The following ADHFE1 variants were observed in gnomAD, a reference collection of about 807,000 sequenced individuals.
ADHFE1 encodes the protein hydroxyacid-oxoacid transhydrogenase, mitochondrial.
Under a neutral mutation model 54.8 loss-of-function variants are expected in ADHFE1, and 37 were observed. That is an observed-to-expected ratio of 0.68 (90% CI 0.52 to 0.89). ADHFE1 has a LOEUF of 0.89. ADHFE1 is among the 40% of genes least tolerant of loss of function. The pLI is 0.00. For missense variants in ADHFE1, 601 were observed against 591.2 expected (o/e 1.02, Z -0.17); for synonymous variants, 203 against 229.3 (o/e 0.89, Z 1.04).
intron 2 of ADHFE1, 81 bp downstream of exon 2, chr8:66,440,280 A>G: frequency 7.4e-7 from 1 of 1,343,246 alleles, no homozygotes; most frequent in South Asian, 1.3e-5. Flanking sequence ...AGTGTATGTA[A>G]AGAAAACCAA....
In ADHFE1 at chr8:66,445,331, C is replaced by G. The variant is rs1586452837; in HGVS notation, c.467C>G (p.Pro156Arg). The stretch of plus-strand genomic sequence containing the variant: ...GCTGCTAATCTGTATGCATCCAGCC[C>G]TCATTCTGATTTCCTAGATTATGTC... The part of the protein sequence containing the change: ...CKAANLYASS[P>R]HSDFLDYVSA... The change falls in exon 6 of 14, where the codon CCT (proline) becomes CGT (arginine). Residue 156 changes from proline (P) to arginine (R), a missense_variant. By Grantham distance (103) the Pro-to-Arg change is moderately radical (BLOSUM62 -2). Coordinates refer to ENST00000396623, the MANE Select transcript of ADHFE1 (RefSeq NM_144650.3). The G allele has an allele frequency of 6.2e-7, 1 of 1,614,042 alleles. No homozygotes were observed. Among genetic ancestry groups the G allele is most frequent in the Non-Finnish European group, 8.5e-7 (1 of 1,180,004 alleles).
intron 1 of ADHFE1, among the ~76,000 whole-genome samples, chr8:66,435,556 T>C (rs1228803789): frequency 1.3e-5 from 2 of 151,796 alleles, no homozygotes; most frequent in Non-Finnish European, 2.9e-5. Context: ...AGTGATTGCA[T>C]TTAGGGCCCA....
At chr8:66,452,255 C>A in intron 9 of ADHFE1, 150 bp downstream of exon 9, 2 of 1,132,580 alleles carry the variant, frequency 1.8e-6, no homozygotes, top group Non-Finnish European at 2.4e-6. Context: ...ACACCAGCAG[C>A]CTCTGGAGGG....
Position 66,435,927 on chromosome 8 carries a change from T to C in ADHFE1, c.59+3352T>C, listed in dbSNP as rs183129581. Among the ~76,000 whole-genome samples, 673 of 148,998 alleles carry C rather than the reference T, an allele frequency of 4.5e-3. 7 individuals carry two copies. Among genetic ancestry groups the C allele is most frequent in the African/African-American group, 0.016 (645 of 40,286 alleles). On this transcript the variant is annotated intron_variant, in intron 1 of 13. Transcript: ENST00000396623. ...CCTAGCAAGATTCTTTTTTTTTTTT[T>C]TTTTTTGAGATGGAGTCTCGCTCTG...
chr8:66,466,738 A>G (rs974863270), intron 13 of ADHFE1, among the ~76,000 whole-genome samples: 1 of 152,248 alleles, frequency 6.6e-6, no homozygotes. Flanking sequence ...AAGGAGATAG[A>G]GAGTGATCTC....
intron 1 of ADHFE1, chr8:66,433,018 A>G: frequency 1.8e-6 from 1 of 566,076 alleles, no homozygotes. Context: ...TGAGGGGACG[A>G]GGCTAAAACC....
At chr8:66,450,423 G>A (rs1806240572) in intron 8 of ADHFE1, among the ~76,000 whole-genome samples, 1 of 152,202 alleles carries the variant, frequency 6.6e-6, no homozygotes, top group African/African-American at 2.4e-5. Context: ...CACCTGGCCT[G>A]AGGAATCTGC....
chr8:66,433,064 A>G (rs1394294459), intron 1 of ADHFE1, among the ~76,000 whole-genome samples: 2 of 152,170 alleles, frequency 1.3e-5, no homozygotes, highest in South Asian at 2.1e-4. Flanking sequence ...GGAAGGATGG[A>G]TGTGAGAAGT....
intron 9 of ADHFE1, 126 bp downstream of exon 9, chr8:66,452,231 C>A: frequency 7.7e-7 from 1 of 1,298,964 alleles, no homozygotes; most frequent in Non-Finnish European, 1.0e-6. Flanking sequence ...TCAGTGGATG[C>A]GCAGAAGCCC....
chr8:66,460,675 G>A (rs1806854016), intron 13 of ADHFE1, among the ~76,000 whole-genome samples: 1 of 152,218 alleles, frequency 6.6e-6, no homozygotes, highest in Admixed American at 6.5e-5. Context: ...TGTAGCTGAG[G>A]TGAGGCTTTT....
rs1485001455 is a variant in ADHFE1, at chr8:66,447,265, G to A, written c.552G>A (p.Val184=). The A allele has an allele frequency of 2.0e-5, 32 of 1,612,282 alleles. No individual in the cohort carries two copies. The highest frequency in any genetic ancestry group is 2.6e-5 in the Non-Finnish European group (31 of 1,178,892). ...VSVPLKPLIA[V]PTTSGTGSET... is the part of the protein sequence containing the mutation. ...AAAATTAATATTATTTTGTTCAAGT[G>A]CCAACTACCTCAGGAACCGGGAGTG... Residue 184 remains valine, a splice_region_variant and synonymous_variant, in exon 7 of 14, where the codon GTG becomes GTA. Coordinates refer to ENST00000396623, the MANE Select transcript of ADHFE1 (RefSeq NM_144650.3).
intron 13 of ADHFE1, among the ~76,000 whole-genome samples, chr8:66,461,803 G>A (rs890877831): frequency 5.9e-5 from 9 of 152,086 alleles, no homozygotes; most frequent in African/African-American, 1.9e-4. Context: ...AATGTAGTCC[G>A]TGAACCACCA....
rs376912450 is a variant in ADHFE1, at chr8:66,457,095, C to A, written c.1091C>A (p.Thr364Lys). Residue 364 changes from threonine (T) to lysine (K), a missense_variant, in exon 12 of 14, where the codon ACG becomes AAG. Physicochemically the swap from Thr to Lys is moderately conservative, Grantham distance 78 (BLOSUM62 -1). Coordinates refer to ENST00000396623, the MANE Select transcript of ADHFE1 (RefSeq NM_144650.3). ...LVPHGLSVVL[T>K]SPAVFTFTAQ... ...CCCCATGGCCTTTCTGTGGTGCTCACGTCCCCAGCGGTGTTCACTTTCACG... is the reference window on the plus strand; with the variant it reads ...CCCCATGGCCTTTCTGTGGTGCTCAAGTCCCCAGCGGTGTTCACTTTCACG... 2 of 1,613,636 alleles carry A rather than the reference C, an allele frequency of 1.2e-6. No individual in the cohort carries two copies. Among genetic ancestry groups the A allele is most frequent in the African/African-American group, 2.7e-5 (2 of 74,906 alleles).
Position 66,458,976 on chromosome 8 carries a change from G to A in ADHFE1, c.1163-1332G>A, listed in dbSNP as rs547114616. Among the ~76,000 whole-genome samples the A allele has an allele frequency of 4.6e-4, 70 of 152,236 alleles. No individual in the cohort carries two copies. In the Middle Eastern group the frequency reaches 0.017, roughly 37 times the overall value. Reference sequence around the variant, plus strand: ...GGGTAATACAGACTGGTCTTGTCAGGCAAGGTTTACCTTTCATCCGGCTGC... The same window carrying A: ...GGGTAATACAGACTGGTCTTGTCAGACAAGGTTTACCTTTCATCCGGCTGC... On this transcript the variant is annotated intron_variant, in intron 12 of 13. Coordinates refer to ENST00000396623, the MANE Select transcript of ADHFE1 (RefSeq NM_144650.3).
At chr8:66,456,183 C>T (rs965441513) in intron 10 of ADHFE1, among the ~76,000 whole-genome samples, 4 of 152,028 alleles carry the variant, frequency 2.6e-5, no homozygotes. Context: ...ACCATAATGC[C>T]TTTTCTTGAT....
intron 12 of ADHFE1, among the ~76,000 whole-genome samples, chr8:66,458,264 C>A (rs1356784848): frequency 2.6e-5 from 4 of 152,168 alleles, no homozygotes; most frequent in African/African-American, 9.7e-5. Flanking sequence ...CTAGCCCAGC[C>A]GTTGGAGAGA....
chr8:66,455,949 A>G (rs561839562), intron 10 of ADHFE1, among the ~76,000 whole-genome samples: 3 of 152,200 alleles, frequency 2.0e-5, no homozygotes, highest in African/African-American at 7.2e-5. Context: ...AAACCCAAAT[A>G]AACAACAACA....
chr8:66,439,881 C>A lies in ADHFE1; in HGVS notation c.60-281C>A. ...CTTAAACTTGCATGTACCCCCAGAG[C>A]GTTTATCTCAGCTGCCCGCAGGCAT... On this transcript the variant is annotated intron_variant, in intron 1 of 13. Transcript: ENST00000396623. This position sits in a 1 kb window ranked among gnomAD's most constrained non-coding sequence, Gnocchi z 4.4. The A allele has an allele frequency of 2.4e-6, 2 of 817,922 alleles. No individual in the cohort carries two copies. The highest frequency in any genetic ancestry group is 3.3e-6 in the Non-Finnish European group (2 of 598,750). 50.7% of individuals were successfully genotyped at this position (817,922 alleles called of 1,614,324 possible).
intron 1 of ADHFE1, among the ~76,000 whole-genome samples, chr8:66,434,027 G>A (rs1805338512): frequency 6.6e-6 from 1 of 152,240 alleles, no homozygotes; most frequent in African/African-American, 2.4e-5. Context: ...TGGTGGAAAT[G>A]TGGAGTGAAG....
Sources: gnomAD v4.1 joint callset for allele counts (sites outside exome capture counted in the v4.1 genomes callset) on GRCh38, gnomAD v4.1.1 for gene constraint, Gnocchi (gnomAD v3.1) non-coding constraint, MANE v1.5 for transcripts, NCBI Gene and HGNC (gene_info 2026-07-23, HGNC 2026-07-21) for gene names.